The following PLEKHD1 variants were observed in gnomAD, a reference collection of about 807,000 sequenced individuals.
PLEKHD1 encodes pleckstrin homology domain-containing family D member 1.
PLEKHD1 carries 51 observed loss-of-function variants against 69.2 expected under a neutral mutation model. The observed-to-expected ratio is 0.74, with a 90% CI of 0.59 to 0.93. The LOEUF (loss-of-function observed/expected upper bound fraction) is 0.93. Ranked by LOEUF, PLEKHD1 falls within the 40% of genes least tolerant of loss-of-function variation. The probability of loss-of-function intolerance (pLI) is 0.00; values close to 1 mark genes in which losing one functional copy is unlikely to be tolerated. For missense variants in PLEKHD1, 584 were observed against 641.0 expected (o/e 0.91, Z 0.96); for synonymous variants, 236 against 244.7 (o/e 0.96, Z 0.33).
At chr14:69,499,835 G>C (rs1055174828) in intron 1 of PLEKHD1, among the ~76,000 whole-genome samples, 2 of 152,196 alleles carry the variant, frequency 1.3e-5, no homozygotes, top group African/African-American at 2.4e-5. Context: ...TGCTGAGCCA[G>C]GGTGGTGGTT....
At chr14:69,513,085 G>A (rs1449107985) in intron 6 of PLEKHD1, among the ~76,000 whole-genome samples, 1 of 151,916 alleles carries the variant, frequency 6.6e-6, no homozygotes, top group Non-Finnish European at 1.5e-5. Context: ...TGGGCATGGT[G>A]GTGCATGCCT....
At chr14:69,474,802 GA>G in the PLEKHD1 span, among the ~76,000 whole-genome samples, 4 of 151,966 alleles carry the variant, frequency 2.6e-5, no homozygotes, top group East Asian at 3.9e-4. Context: ...ATTGAACCTG[GA>G]AAAAAAATTC....
chr14:69,517,816 T>G (rs1009441016), intron 6 of PLEKHD1, among the ~76,000 whole-genome samples: 3 of 152,050 alleles, frequency 2.0e-5, no homozygotes, highest in Non-Finnish European at 4.4e-5. Flanking sequence ...ACCTAAAGAA[T>G]CACCTGATCT....
chr14:69,507,720 T>A (rs897810497), intron 6 of PLEKHD1, among the ~76,000 whole-genome samples: 2 of 152,150 alleles, frequency 1.3e-5, no homozygotes, highest in African/African-American at 4.8e-5. Context: ...TTATTTCAAT[T>A]TTTAGTTTTT....
intron 6 of PLEKHD1, among the ~76,000 whole-genome samples, chr14:69,508,622 A>G (rs547661767): frequency 5.7e-4 from 87 of 152,234 alleles, no homozygotes; most frequent in African/African-American, 2.0e-3. Context: ...TCCCTGGTGG[A>G]CTGAACAAAT....
chr14:69,485,028 C>G lies in PLEKHD1; in HGVS notation c.63C>G (p.Asp21Glu). The G allele has an allele frequency of 6.4e-7, 1 of 1,551,400 alleles. No homozygotes were observed. The highest frequency in any genetic ancestry group is 8.7e-7 in the Non-Finnish European group (1 of 1,146,896). ...PSPSLEQADS[D>E]ALDISTKVQL... ...CGTCCCTGGAGCAGGCTGACTCGGACGCCCTGGATATCAGCACCAAAGTGC... is the reference window on the plus strand; with the variant it reads ...CGTCCCTGGAGCAGGCTGACTCGGAGGCCCTGGATATCAGCACCAAAGTGC... Residue 21 changes from aspartate to glutamate, a missense_variant, in exon 1 of 13, where the codon GAC (aspartate) becomes GAG (glutamate). Asp to Glu is a conservative substitution (Grantham distance 45, BLOSUM62 2). Transcript: ENST00000322564.
At chr14:69,511,678 T>C (rs2139516851) in intron 6 of PLEKHD1, among the ~76,000 whole-genome samples, 1 of 152,232 alleles carries the variant, frequency 6.6e-6, no homozygotes, top group Middle Eastern at 3.4e-3. Flanking sequence ...GTCTCCCAAG[T>C]AGCTGGGATT....
rs1369516286 is a variant in PLEKHD1, at chr14:69,500,879, C to T, written c.342C>T (p.Ile114=). 3 of 1,551,564 alleles carry T rather than the reference C, an allele frequency of 1.9e-6. No individual in the cohort carries two copies. The highest frequency in any genetic ancestry group is 4.9e-5 in the East Asian group (2 of 40,938). The part of the protein sequence containing the change: ...KISHQDFHGN[I]LLAAESEFEQ... ...GCTCCTCTTCCTGGCAGGGGAACATCTTGCTTGCTGCTGAGTCGGAGTTTG... is the reference window on the plus strand; with the variant it reads ...GCTCCTCTTCCTGGCAGGGGAACATTTTGCTTGCTGCTGAGTCGGAGTTTG... Residue 114 remains isoleucine, a synonymous_variant, in exon 4 of 13, where the codon ATC becomes ATT. Transcript: ENST00000322564.
chr14:69,484,141 TG>T (rs1882598679), upstream of PLEKHD1, among the ~76,000 whole-genome samples: 1 of 152,268 alleles, frequency 6.6e-6, no homozygotes, highest in South Asian at 2.1e-4. Flanking sequence ...GGGGAAGGGT[TG>T]GGGGGAACCC....
Position 69,526,092 on chromosome 14 carries a change from T to C in PLEKHD1, c.893T>C (p.Leu298Pro). The change falls in exon 9 of 13, where the codon CTC becomes CCC. Residue 298 changes from leucine to proline, a missense_variant. Coordinates refer to ENST00000322564, the MANE Select transcript of PLEKHD1 (RefSeq NM_001161498.2). ...LRQIEEKMQQ[L>P]LEEKLLAEKR... ...CAGATCGAGGAGAAGATGCAGCAGCTCTTAGAGGAGAAGCTCCTGGCAGAG... is the reference window on the plus strand; with the variant it reads ...CAGATCGAGGAGAAGATGCAGCAGCCCTTAGAGGAGAAGCTCCTGGCAGAG... 1.3e-6 allele frequency: 2 copies of C among 1,551,050 alleles called. No homozygotes were observed. Among genetic ancestry groups the C allele is most frequent in the East Asian group, 4.9e-5 (2 of 40,888 alleles).
Position 69,485,093 on chromosome 14 carries a change from C to G in PLEKHD1, c.128C>G (p.Pro43Arg). The G allele has an allele frequency of 2.6e-6, 4 of 1,550,812 alleles. No homozygotes were observed. The South Asian group carries it at 3.6e-5, about 14-fold the overall frequency. The change falls in exon 1 of 13, where the codon CCG (proline) becomes CGG (arginine). Residue 43 changes from proline to arginine, a missense_variant. Transcript: ENST00000322564. ...CTGTGGAAGAGGCCTTTCGGCAGGC[C>G]GTCGGCCAAGTGGTCCCGGCGGTGA... ...GVLWKRPFGRPSAKWSRRFFI... is the reference protein window; with the variant it reads ...GVLWKRPFGRRSAKWSRRFFI...
chr14:69,490,825 C>A (rs1275723), intron 1 of PLEKHD1, among the ~76,000 whole-genome samples: 100,386 of 151,944 alleles, frequency 0.66, 33,675 homozygotes, highest in Non-Finnish European at 0.71. Context: ...CTTCTGAGGG[C>A]AGTCCTTCTC....
At chr14:69,471,123 T>C in the PLEKHD1 span, among the ~76,000 whole-genome samples, 1 of 103,342 alleles carries the variant, frequency 9.7e-6, no homozygotes, top group Non-Finnish European at 2.0e-5. Flanking sequence ...TTTTTTTTTT[T>C]TGAGACAGGG....
At position 69,526,717 on chromosome 14, in the gene PLEKHD1, G is replaced by A. The variant is rs148613530; in HGVS notation, c.944G>A (p.Arg315His). 1.8e-4 allele frequency: 276 copies of A among 1,540,146 alleles called. No homozygotes were observed. Among genetic ancestry groups the A allele is most frequent in the Admixed American group, 1.0e-3 (49 of 49,088 alleles). Residue 315 changes from arginine (R) to histidine (H), a missense_variant, in exon 10 of 13, where the codon CGC becomes CAC. Coordinates refer to ENST00000322564, the MANE Select transcript of PLEKHD1 (RefSeq NM_001161498.2). ...TACAGGATGAAGGAGAACGAGGAGC[G>A]CTCACGGGCCCTGGAGGAGGAGCGT... ...AEKRMKENEE[R>H]SRALEEEREF... is the part of the protein sequence containing the mutation.
At chr14:69,519,355 A>G (rs999691133) in intron 6 of PLEKHD1, among the ~76,000 whole-genome samples, 31 of 152,010 alleles carry the variant, frequency 2.0e-4, no homozygotes, top group South Asian at 4.1e-4. Flanking sequence ...AAAACCAAGC[A>G]GGAGACTGAA....
In PLEKHD1 at chr14:69,511,875, T is replaced by C. The variant is rs376702232; in HGVS notation, c.555+8996T>C. ...CAGTCTGTAGTTTTCTTATAATGTC[T>C]CTATTAGGTTTTGGTAAGGTAATTC... On this transcript the variant is annotated intron_variant, in intron 6 of 12. Transcript: ENST00000322564. Among the ~76,000 whole-genome samples, 66 of 152,328 alleles carry C rather than the reference T, an allele frequency of 4.3e-4. 1 individual carries two copies. The South Asian group carries it at 7.3e-3, about 17-fold the overall frequency.
the PLEKHD1 span, among the ~76,000 whole-genome samples, chr14:69,475,169 ATC>A: frequency 6.6e-6 from 1 of 152,260 alleles, no homozygotes; most frequent in Admixed American, 6.5e-5. Context: ...AGGGGCCAGC[ATC>A]TTGGCTTTCC....
chr14:69,498,066 A>G (rs1294630506), intron 1 of PLEKHD1, among the ~76,000 whole-genome samples: 1 of 133,970 alleles, frequency 7.5e-6, no homozygotes, highest in African/African-American at 3.2e-5. Context: ...TATTTATTTT[A>G]TTTTATTTTA....
chr14:69,503,028 C>A, intron 6 of PLEKHD1, 149 bp downstream of exon 6: 2 of 838,098 alleles, frequency 2.4e-6, no homozygotes, highest in South Asian at 1.6e-5. Flanking sequence ...GATCACAGTG[C>A]TTGCTTGGGA....
Sources: gnomAD v4.1 joint callset for allele counts (sites outside exome capture counted in the v4.1 genomes callset) on GRCh38, gnomAD v4.1.1 for gene constraint, MANE v1.5 for transcripts, NCBI Gene and HGNC (gene_info 2026-07-23, HGNC 2026-07-21) for gene names.